Variants in CSMD1 observed in about 807,000 individuals in gnomAD.
CSMD1 encodes CUB and Sushi multiple domains 1, also known as CUB and sushi domain-containing protein 1.
CSMD1 carries 213 observed loss-of-function variants against 417.5 expected under a neutral mutation model. The ratio of observed to expected loss-of-function variants is 0.51; its 90% confidence interval spans 0.46 to 0.57. The LOEUF (loss-of-function observed/expected upper bound fraction) is 0.57. Among genes scored for constraint, CSMD1 ranks in the 20% least tolerant of loss-of-function variants. CSMD1 has a pLI of 0.00. For synonymous variants in CSMD1, 2,862 were observed against 1,736.8 expected (o/e 1.65, Z -16.11); for missense variants, 6,923 against 4,529.7 (o/e 1.53, Z -15.17).
At chr8:3,843,082 C>T (rs566044774) in intron 5 of CSMD1, among the ~76,000 whole-genome samples, 1 of 152,032 alleles carries the variant, frequency 6.6e-6, no homozygotes, top group South Asian at 2.1e-4. Flanking sequence ...ATTTCAGTAT[C>T]GTTTTCTCTT....
chr8:3,249,411 A>G (rs1281763101), intron 26 of CSMD1, among the ~76,000 whole-genome samples: 1 of 152,074 alleles, frequency 6.6e-6, no homozygotes, highest in Non-Finnish European at 1.5e-5. Context: ...TTTAGTAGTG[A>G]TGGCGTTTCA....
At chr8:4,628,372 G>GTATATATACACACATATATATACACA (rs1563348176) in intron 2 of CSMD1, among the ~76,000 whole-genome samples, 4 of 147,838 alleles carry the variant, frequency 2.7e-5, no homozygotes, top group Non-Finnish European at 5.9e-5. Context: ...ATGTGTGTGT[G>GTATATATACACACATATATATACACA]TATATATACA....
At chr8:3,311,138 A>T (rs750274818) in intron 23 of CSMD1, among the ~76,000 whole-genome samples, 17 of 152,162 alleles carry the variant, frequency 1.1e-4, no homozygotes, top group Admixed American at 3.9e-4. Context: ...GCTTACCATA[A>T]ATATGCTTAG....
At chr8:3,759,904 C>CAAAA (rs71203472) in intron 5 of CSMD1, among the ~76,000 whole-genome samples, 5 of 95,654 alleles carry the variant, frequency 5.2e-5, no homozygotes, top group African/African-American at 1.3e-4. Context: ...GAGACTGTCT[C>CAAAA]AAAAAAAAAA....
chr8:4,792,969 A>G (rs1797771339), intron 1 of CSMD1, among the ~76,000 whole-genome samples: 1 of 123,836 alleles, frequency 8.1e-6, no homozygotes, highest in Non-Finnish European at 1.7e-5. Flanking sequence ...ATATATGTGT[A>G]TATATGTGTA....
intron 3 of CSMD1, among the ~76,000 whole-genome samples, chr8:4,063,788 A>G (rs1401127640): frequency 6.6e-6 from 1 of 152,202 alleles, no homozygotes; most frequent in Non-Finnish European, 1.5e-5. Flanking sequence ...ATTCAGTTCC[A>G]CTTAAACCTG....
chr8:4,994,125 G>C (rs759449681), intron 1 of CSMD1, among the ~76,000 whole-genome samples: 13 of 152,152 alleles, frequency 8.5e-5, no homozygotes, highest in Non-Finnish European at 1.9e-4. Context: ...AAGGAATGGC[G>C]GGGTGGGGCG....
At chr8:3,134,218 G>A (rs1481994150) in intron 41 of CSMD1, among the ~76,000 whole-genome samples, 3 of 152,046 alleles carry the variant, frequency 2.0e-5, no homozygotes, top group African/African-American at 7.2e-5. Flanking sequence ...AGAAAGAAAA[G>A]AAAGAAAGAG....
Position 3,343,321 on chromosome 8 carries a change from C to G in CSMD1, c.3604G>C (p.Asp1202His), listed in dbSNP as rs749555971. The G allele has an allele frequency of 6.2e-7, 1 of 1,613,502 alleles. No individual in the cohort carries two copies. Among genetic ancestry groups the G allele is most frequent in the Non-Finnish European group, 8.5e-7 (1 of 1,179,660 alleles). ...GTATAGGTGAGTTGAAAACCTTGGT[C>G]GGTGTCAGATCCATTGGTGTTGAAC... ...LEFNTNGSDT[D>H]QGFQLTYTSF... Residue 1202 changes from aspartate (D) to histidine (H), a missense_variant, in exon 23 of 70, where the codon GAC becomes CAC. By Grantham distance (81) the Asp-to-His change is moderately conservative. Coordinates refer to ENST00000635120, the MANE Select transcript of CSMD1 (RefSeq NM_033225.6).
chr8:3,663,628 A>C (rs1798534184), intron 7 of CSMD1, among the ~76,000 whole-genome samples: 1 of 152,194 alleles, frequency 6.6e-6, no homozygotes. Flanking sequence ...CTTTGGAAAG[A>C]CTAATCAGAA....
chr8:3,481,577 T>A (rs979174852), intron 11 of CSMD1, among the ~76,000 whole-genome samples: 1 of 152,158 alleles, frequency 6.6e-6, no homozygotes, highest in South Asian at 2.1e-4. Flanking sequence ...GATGAAAGAT[T>A]TTGCAAATGT....
At chr8:4,879,180 G>T (rs1803239388) in intron 1 of CSMD1, among the ~76,000 whole-genome samples, 2 of 151,968 alleles carry the variant, frequency 1.3e-5, no homozygotes, top group Non-Finnish European at 2.9e-5. Flanking sequence ...AGGAGAATAG[G>T]CAGGCACAGA....
intron 10 of CSMD1, among the ~76,000 whole-genome samples, chr8:3,556,254 A>G (rs112513237): frequency 4.2e-4 from 63 of 151,282 alleles, no homozygotes; most frequent in African/African-American, 1.4e-3. Context: ...GTTTTTTGGT[A>G]CCCATTAACC....
At chr8:4,982,449 T>C (rs1273636524) in intron 1 of CSMD1, among the ~76,000 whole-genome samples, 2 of 152,152 alleles carry the variant, frequency 1.3e-5, no homozygotes, top group African/African-American at 4.8e-5. Context: ...TGGCTTTCTG[T>C]CTCTCTCCCT....
intron 10 of CSMD1, among the ~76,000 whole-genome samples, chr8:3,566,388 C>T (rs891815560): frequency 1.6e-4 from 24 of 152,142 alleles, no homozygotes; most frequent in African/African-American, 1.9e-4. Context: ...AAAGGAAATA[C>T]GAACGGACCC....
chr8:4,749,051 TGTG>T, intron 1 of CSMD1, among the ~76,000 whole-genome samples: 1 of 148,932 alleles, frequency 6.7e-6, no homozygotes, highest in African/African-American at 2.6e-5. Context: ...TGTGTGCCTG[TGTG>T]CGTGTGTGTG....
chr8:4,731,358 G>A (rs1029020925), intron 1 of CSMD1, among the ~76,000 whole-genome samples: 4 of 152,116 alleles, frequency 2.6e-5, no homozygotes, highest in African/African-American at 9.7e-5. Context: ...TTCAGGGACT[G>A]GAGCAAGCTG....
chr8:3,039,993 A>C (rs1000768850), intron 50 of CSMD1, among the ~76,000 whole-genome samples: 1 of 152,180 alleles, frequency 6.6e-6, no homozygotes, highest in Non-Finnish European at 1.5e-5. Context: ...GGTTTCACTG[A>C]GAATCCAGAA....
intron 49 of CSMD1, among the ~76,000 whole-genome samples, chr8:3,066,353 G>A (rs114094974): frequency 0.011 from 1,641 of 152,324 alleles, 35 homozygotes; most frequent in African/African-American, 0.037. Context: ...CATGGTCAGA[G>A]AATAAGTCAC....
Sources: allele counts gnomAD v4.1 joint callset (sites outside exome capture counted in the v4.1 genomes callset), GRCh38; gene constraint gnomAD v4.1.1; transcripts MANE v1.5; gene names NCBI Gene and HGNC (gene_info 2026-07-23, HGNC 2026-07-21).